The following MYLK4 variants were observed in gnomAD, a reference collection of about 807,000 sequenced individuals.
The protein encoded by MYLK4 is caMLCK like.
In MYLK4, 46 loss-of-function variants were observed where a neutral mutation model predicts 48.1. The observed-to-expected ratio is 0.96, with a 90% confidence interval of 0.75 to 1.22. The LOEUF is 1.22. Ranked by LOEUF, MYLK4 falls within the 50% of genes most tolerant of loss-of-function variation. MYLK4 has a pLI of 0.00. For missense variants in MYLK4, 451 were observed against 486.1 expected, an observed-to-expected ratio of 0.93 and a Z score of 0.68; for synonymous variants, 170 against 180.8, an observed-to-expected ratio of 0.94 and a Z score of 0.48.
chr6:2,705,095 T>G (rs1762438312), intron 2 of MYLK4, among the ~76,000 whole-genome samples: 1 of 152,228 alleles, frequency 6.6e-6, no homozygotes, highest in African/African-American at 2.4e-5. Context: ...GTAACCAGAT[T>G]GCTAAGCAAA....
chr6:2,698,389 G>A (rs569191767), intron 2 of MYLK4, among the ~76,000 whole-genome samples: 1 of 152,204 alleles, frequency 6.6e-6, no homozygotes, highest in Non-Finnish European at 1.5e-5. Context: ...AGAAAACTCG[G>A]AAGTGTATTT....
At chr6:2,765,986 C>T in the MYLK4 span, 6 of 1,398,058 alleles carry the variant, frequency 4.3e-6, no homozygotes, top group East Asian at 3.1e-5. Flanking sequence ...CGGCGCCCGC[C>T]TTATCCCCGA....
intron 12 of MYLK4, among the ~76,000 whole-genome samples, chr6:2,668,285 A>G (rs1760740579): frequency 6.6e-6 from 1 of 152,176 alleles, no homozygotes. Flanking sequence ...CCAGCATCAA[A>G]GTGAGAATGT....
chr6:2,694,532 A>ATGGTGGTGGTGGTGGTGGTGGTG (rs1761964920), intron 2 of MYLK4, among the ~76,000 whole-genome samples: 1 of 2,178 alleles, frequency 4.6e-4, no homozygotes, highest in Non-Finnish European at 9.0e-4. Context: ...TGGTGGTGGT[A>ATGGTGGTGGTGGTGGTGGTGGTG]GTAGTGTTGG....
chr6:2,724,459 C>T lies in MYLK4; in HGVS notation c.159+24677G>A, dbSNP rs370441442. Among the ~76,000 whole-genome samples the T allele has an allele frequency of 8.5e-5, 13 of 152,288 alleles. No individual in the cohort carries two copies. In the South Asian group the frequency reaches 2.7e-3, roughly 32 times the overall value. On this transcript the variant is annotated intron_variant, in intron 2 of 12. Coordinates refer to ENST00000274643, the MANE Select transcript of MYLK4 (RefSeq NM_001012418.5). ...TCACTAACGCAGGGGGAAAGGTATG[C>T]AGGGACCTTTCGTCACTTGGTGCTG...
chr6:2,760,660 T>C, the MYLK4 span, among the ~76,000 whole-genome samples: 1 of 152,066 alleles, frequency 6.6e-6, no homozygotes, highest in East Asian at 1.9e-4. Flanking sequence ...TTTTATACTA[T>C]GAATATCAAT....
chr6:2,741,210 T>C (rs1763889163), intron 2 of MYLK4, among the ~76,000 whole-genome samples: 1 of 152,214 alleles, frequency 6.6e-6, no homozygotes, highest in Non-Finnish European at 1.5e-5. Flanking sequence ...ATGTGCCTTT[T>C]ATAACCATTA....
chr6:2,755,340 C>T (rs946338397), upstream of MYLK4, among the ~76,000 whole-genome samples: 12 of 152,148 alleles, frequency 7.9e-5, no homozygotes, highest in Admixed American at 6.5e-4. Context: ...TAGCATTTTC[C>T]ATGTTTGCCC....
chr6:2,761,839 T>A, the MYLK4 span, among the ~76,000 whole-genome samples: 2 of 152,050 alleles, frequency 1.3e-5, no homozygotes, highest in Non-Finnish European at 2.9e-5. Context: ...TATTTTTCCT[T>A]TTTATTATTT....
chr6:2,766,083 C>G, the MYLK4 span: 5 of 1,300,512 alleles, frequency 3.8e-6, no homozygotes, highest in Non-Finnish European at 4.9e-6. Flanking sequence ...AGCGCGTCTC[C>G]GCGCAGCTGG....
At position 2,701,825 on chromosome 6, in the gene MYLK4, C is replaced by T. The variant is rs184788049; in HGVS notation, c.160-8966G>A. On this transcript the variant is annotated intron_variant, in intron 2 of 12. Transcript: ENST00000274643. ...TCAAAATCTGCTCTTTAACCAATGG[C>T]CAGGTGGTTCCCATACATGTTAGAA... 1.8e-3 allele frequency among the ~76,000 whole-genome samples: 278 copies of T among 152,302 alleles called. 1 individual carries two copies. The highest frequency in any genetic ancestry group is 6.3e-3 in the African/African-American group (262 of 41,554).
chr6:2,768,755 C>G, the MYLK4 span: 2 of 1,613,982 alleles, frequency 1.2e-6, no homozygotes, highest in East Asian at 2.2e-5. Context: ...GTGACATTAT[C>G]TGCAACAAAT....
At chr6:2,766,452 C>A in the MYLK4 span, 2 of 1,510,000 alleles carry the variant, frequency 1.3e-6, no homozygotes, top group Non-Finnish European at 1.8e-6. Flanking sequence ...AAGGTGAGTG[C>A]GGCCTTGGCC....
intron 2 of MYLK4, among the ~76,000 whole-genome samples, chr6:2,697,689 C>T (rs756743343): frequency 2.0e-5 from 3 of 152,310 alleles, no homozygotes; most frequent in Non-Finnish European, 2.9e-5. Flanking sequence ...AATGGTAAAA[C>T]GGATTTGTCC....
chr6:2,688,184 G>A (rs577282833), intron 4 of MYLK4, among the ~76,000 whole-genome samples: 9 of 151,948 alleles, frequency 5.9e-5, no homozygotes, highest in African/African-American at 1.9e-4. Flanking sequence ...TCAGCCTCCC[G>A]AGTAGCTGGG....
At position 2,663,672 on chromosome 6, in the gene MYLK4, A is replaced by G. The variant is rs1331010488; in HGVS notation, c.*4253T>C. 6.5e-6 allele frequency: 1 copy of G among 152,694 alleles called. No individual in the cohort carries two copies. The highest frequency in any genetic ancestry group is 6.5e-5 in the Admixed American group (1 of 15,284). The allele number at this position is 152,694 out of a possible 1,614,324, so 9.5% of individuals were successfully genotyped here. A position where few individuals can be genotyped will look rare whatever the true frequency, so the allele number is the denominator to read the frequency against. Reference sequence around the variant, plus strand: ...CCATGTTTATTCTTCAATATAATACATATACATGATTGTTATACATCTTTA... The same window carrying G: ...CCATGTTTATTCTTCAATATAATACGTATACATGATTGTTATACATCTTTA... On this transcript the variant is annotated 3_prime_UTR_variant, in exon 13 of 13. Transcript: ENST00000274643.
chr6:2,692,778 T>G lies in MYLK4; in HGVS notation c.235+6A>C, dbSNP rs376120879. On this transcript the variant is annotated splice_donor_region_variant and intron_variant, in intron 3 of 12. Transcript: ENST00000274643. ...CCATAACTATCTACTTTTCTAAAGATGTTACCTGCGAGGGCTGATGTCCTT... is the reference window on the plus strand; with the variant it reads ...CCATAACTATCTACTTTTCTAAAGAGGTTACCTGCGAGGGCTGATGTCCTT... The G allele has an allele frequency of 2.2e-4, 358 of 1,613,282 alleles. 2 individuals carry two copies. The highest frequency in any genetic ancestry group is 1.8e-3 in the South Asian group (161 of 90,824).
chr6:2,727,043 G>A (rs1763304136), intron 2 of MYLK4, among the ~76,000 whole-genome samples: 1 of 152,214 alleles, frequency 6.6e-6, no homozygotes, highest in African/African-American at 2.4e-5. Context: ...CATTGTGAAC[G>A]TGTCAGATTC....
chr6:2,677,807 A>G (rs1043889975), intron 10 of MYLK4, among the ~76,000 whole-genome samples: 2 of 152,146 alleles, frequency 1.3e-5, no homozygotes, highest in Non-Finnish European at 2.9e-5. Context: ...AAAAGAGATA[A>G]TGTCTACAAA....
Sources: gnomAD v4.1 joint callset for allele counts (sites outside exome capture counted in the v4.1 genomes callset) on GRCh38, gnomAD v4.1.1 for gene constraint, MANE v1.5 for transcripts, NCBI Gene and HGNC (gene_info 2026-07-23, HGNC 2026-07-21) for gene names.